The following VIRMA variants were observed in gnomAD, a reference collection of about 807,000 sequenced individuals.
VIRMA encodes the protein vir like m6A methyltransferase associated.
Under a neutral mutation model 182.4 loss-of-function variants are expected in VIRMA, and 65 were observed. That is an observed-to-expected ratio of 0.36 (90% CI 0.29 to 0.44). The LOEUF (loss-of-function observed/expected upper bound fraction) is 0.44, where lower values mean the gene tolerates loss of function less well. Among genes scored for constraint, VIRMA ranks in the 20% least tolerant of loss-of-function variants. The probability of loss-of-function intolerance (pLI) is 1.00; values close to 1 mark genes in which losing one functional copy is unlikely to be tolerated. For missense variants in VIRMA, 1,752 were observed against 2,158.1 expected (o/e 0.81, Z 3.73); for synonymous variants, 709 against 743.1 (o/e 0.95, Z 0.75).
chr8:94,492,750 C>T lies in VIRMA; in HGVS notation c.4710G>A (p.Glu1570=), dbSNP rs1563676705. Residue 1570 remains glutamate (E), a synonymous_variant, in exon 21 of 24, where the codon GAG becomes GAA. Transcript: ENST00000297591. The stretch of plus-strand genomic sequence containing the variant: ...ATGATGGTTCTGACAAAAATGAGCG[C>T]TCTAATTCTGAGTGCAAATCAAAGT... ...CSDFDLHSEL[E]RSFLSEPSSP... is the part of the protein sequence containing the mutation. The T allele has an allele frequency of 6.2e-7, 1 of 1,613,958 alleles. No homozygotes were observed. The highest frequency in any genetic ancestry group is 8.5e-7 in the Non-Finnish European group (1 of 1,179,914).
At chr8:94,528,327 G>A (rs1297576756) in intron 7 of VIRMA, among the ~76,000 whole-genome samples, 1 of 132,884 alleles carries the variant, frequency 7.5e-6, no homozygotes, top group Non-Finnish European at 1.6e-5. Context: ...ATAATTATTT[G>A]ATAATCTGTG....
chr8:94,553,392 C>T lies in VIRMA; in HGVS notation c.56G>A (p.Ser19Asn), dbSNP rs762933893. Residue 19 changes from serine (S) to asparagine (N), a missense_variant, in exon 1 of 24, where the codon AGC becomes AAC. Physicochemically the swap from Ser to Asn is conservative, Grantham distance 46. Transcript: ENST00000297591. The part of the protein sequence containing the change: ...LLFLDTFKHP[S>N]AEQSSHIDVV... ...CAAGTCGCCAAGCCTTACCTCAGCG[C>T]TCGGGTGTTTAAAAGTATCTAAAAA... is the stretch of plus-strand genomic sequence containing the variant. The T allele has an allele frequency of 6.2e-7, 1 of 1,614,170 alleles. No individual in the cohort carries two copies. Among genetic ancestry groups the T allele is most frequent in the Non-Finnish European group, 8.5e-7 (1 of 1,179,996 alleles).
chr8:94,551,619 G>C (rs1815989951), intron 1 of VIRMA, among the ~76,000 whole-genome samples: 1 of 152,304 alleles, frequency 6.6e-6, no homozygotes, highest in South Asian at 2.1e-4. Flanking sequence ...GTTTACCTAA[G>C]AATGAATAAA....
chr8:94,492,523 C>A, intron 21 of VIRMA, 129 bp downstream of exon 21: 1 of 617,912 alleles, frequency 1.6e-6, no homozygotes, highest in South Asian at 2.9e-5. Context: ...CTCCTGACCT[C>A]GGCCTCCCAA....
In VIRMA at chr8:94,490,097, C is replaced by A. The variant is rs1390953312; in HGVS notation, c.5141-15G>T. On this transcript the variant is annotated splice_polypyrimidine_tract_variant and intron_variant, in intron 22 of 23. Transcript: ENST00000297591. ...ACTGTAGTTTCCTAAACACAAACAG[C>A]ACAATCAAAATCACTTTTTTCACAA... 6.3e-7 allele frequency: 1 copy of A among 1,586,048 alleles called. No individual in the cohort carries two copies. The highest frequency in any genetic ancestry group is 1.4e-5 in the African/African-American group (1 of 73,600).
At chr8:94,492,998 A>G (rs907513456) in intron 20 of VIRMA, among the ~76,000 whole-genome samples, 180 bp from the exon 21 acceptor site, 4 of 152,216 alleles carry the variant, frequency 2.6e-5, no homozygotes, top group African/African-American at 9.6e-5. Flanking sequence ...ACAAACACAC[A>G]CACACACCTT....
At chr8:94,539,836 G>T (rs1815478788) in intron 2 of VIRMA, among the ~76,000 whole-genome samples, 2 of 152,174 alleles carry the variant, frequency 1.3e-5, no homozygotes, top group African/African-American at 4.8e-5. Context: ...GTTATCTGGG[G>T]AGTGGATTAG....
chr8:94,491,729 T>C lies in VIRMA; in HGVS notation c.4989A>G (p.Lys1663=). The C allele has an allele frequency of 6.2e-7, 1 of 1,614,176 alleles. No homozygotes were observed. Among genetic ancestry groups the C allele is most frequent in the East Asian group, 2.2e-5 (1 of 44,884 alleles). Residue 1663 remains lysine (K), a synonymous_variant, in exon 22 of 24, where the codon AAA becomes AAG. Transcript: ENST00000297591. ...GTATTCCATCTTGAGGAACCACTTC[T>C]TTACTTTCAGCAGCAACAAAGTCAT... ...HVDDFVAAES[K]EVVPQDGIPP...
chr8:94,553,389 G>C lies in VIRMA; in HGVS notation c.59C>G (p.Ala20Gly). ...LFLDTFKHPS[A>G]EQSSHIDVVR... is the part of the protein sequence containing the mutation. ...AATCAAGTCGCCAAGCCTTACCTCA[G>C]CGCTCGGGTGTTTAAAAGTATCTAA... The change falls in exon 1 of 24, where the codon GCT (alanine) becomes GGT (glycine). Residue 20 changes from alanine to glycine, a missense_variant. Ala to Gly is a moderately conservative substitution (Grantham distance 60). This residue lies in a region of VIRMA where 195 missense variants were observed against 191.7 expected (regional missense o/e 1.02). Transcript: ENST00000297591. The C allele has an allele frequency of 6.2e-7, 1 of 1,614,136 alleles. No individual in the cohort carries two copies.
chr8:94,502,304 C>T (rs1216590160), intron 16 of VIRMA, among the ~76,000 whole-genome samples: 1 of 152,134 alleles, frequency 6.6e-6, no homozygotes, highest in Admixed American at 6.5e-5. Context: ...TGCCACTGCA[C>T]TCCAGCCTAG....
chr8:94,510,831 G>T, intron 13 of VIRMA, 179 bp from the exon 14 acceptor site: 1 of 776,048 alleles, frequency 1.3e-6, no homozygotes, highest in Non-Finnish European at 2.0e-6. Flanking sequence ...AAATCTTATT[G>T]TTCTCAGGTT....
intron 16 of VIRMA, among the ~76,000 whole-genome samples, chr8:94,500,660 T>G (rs1813939473): frequency 6.7e-6 from 1 of 150,116 alleles, no homozygotes; most frequent in African/African-American, 2.4e-5. Flanking sequence ...AGTTTCTTTT[T>G]TTTTTTTTTT....
chr8:94,522,384 C>G (rs1181886983), intron 8 of VIRMA, among the ~76,000 whole-genome samples: 1 of 152,124 alleles, frequency 6.6e-6, no homozygotes, highest in African/African-American at 2.4e-5. Flanking sequence ...TCCCAGGTAC[C>G]TTTTTCCTTT....
intron 22 of VIRMA, 49 bp from the exon 23 acceptor site, chr8:94,490,131 G>C: frequency 6.4e-7 from 1 of 1,556,836 alleles, no homozygotes; most frequent in Non-Finnish European, 8.7e-7. Context: ...AACTTCAGTT[G>C]GATTCTTTTA....
intron 21 of VIRMA, 39 bp downstream of exon 21, chr8:94,492,613 T>C (rs991837831): frequency 2.5e-5 from 39 of 1,558,552 alleles, no homozygotes; most frequent in Non-Finnish European, 3.4e-5. Flanking sequence ...CATAAGCTTA[T>C]GTGATGACAT....
At chr8:94,545,017 CA>C (rs1461591911) in intron 1 of VIRMA, among the ~76,000 whole-genome samples, 2 of 151,946 alleles carry the variant, frequency 1.3e-5, no homozygotes, top group African/African-American at 4.8e-5. Flanking sequence ...CCTAACTACT[CA>C]GGGGGCTGAG....
At chr8:94,551,812 A>T (rs1372783309) in intron 1 of VIRMA, among the ~76,000 whole-genome samples, 1 of 151,930 alleles carries the variant, frequency 6.6e-6, no homozygotes, top group Non-Finnish European at 1.5e-5. Context: ...GCAGCCTTGA[A>T]CTCCCAGGAT....
At chr8:94,529,584 C>T (rs1056065906) in intron 6 of VIRMA, among the ~76,000 whole-genome samples, 4 of 151,858 alleles carry the variant, frequency 2.6e-5, no homozygotes, top group Admixed American at 6.6e-5. Flanking sequence ...TAACTATACA[C>T]GTTTTTGTCT....
At chr8:94,496,581 T>A in intron 17 of VIRMA, 101 bp from the exon 18 acceptor site, 1 of 902,616 alleles carries the variant, frequency 1.1e-6, no homozygotes, top group Non-Finnish European at 1.6e-6. Context: ...CAATCTTTCC[T>A]TCAATGTTTT....
Sources: allele counts gnomAD v4.1 joint callset (sites outside exome capture counted in the v4.1 genomes callset), GRCh38; gene constraint gnomAD v4.1.1; regional missense constraint gnomAD v4.1.1; transcripts MANE v1.5; gene names NCBI Gene and HGNC (gene_info 2026-07-23, HGNC 2026-07-21).